PTPN2: variants seen among roughly 807,000 people sequenced by gnomAD.
The protein encoded by PTPN2 is protein tyrosine phosphatase non-receptor type 2.
PTPN2 carries 19 observed loss-of-function variants against 57.3 expected under a neutral mutation model. That is an observed-to-expected ratio of 0.33 (90% CI 0.23 to 0.49). PTPN2 has a LOEUF of 0.49. Among genes scored for constraint, PTPN2 ranks in the 20% least tolerant of loss-of-function variants. The probability of loss-of-function intolerance (pLI) is 0.99; values close to 1 mark genes in which losing one functional copy is unlikely to be tolerated. For missense variants in PTPN2, 358 were observed against 501.1 expected (o/e 0.71, Z 2.73); for synonymous variants, 153 against 164.9 (o/e 0.93, Z 0.55).
At chr18:12,870,438 T>C (rs1197801746) in intron 1 of PTPN2, among the ~76,000 whole-genome samples, 632 of 21,612 alleles carry the variant, frequency 0.029, 36 homozygotes, top group Middle Eastern at 0.062. Flanking sequence ...TATATATATA[T>C]GTGTATATAT....
rs773418540 is a variant in PTPN2, at chr18:12,859,150, C to A, written c.160+14G>T. The A allele has an allele frequency of 6.2e-7, 1 of 1,603,408 alleles. No homozygotes were observed. The highest frequency in any genetic ancestry group is 1.7e-5 in the Admixed American group (1 of 59,544). ...CCAAAAAATACACATGCACACAAAC[C>A]CACAAGTACTTACATGGGCTTACAT... On this transcript the variant is annotated intron_variant, in intron 2 of 8. Transcript: ENST00000309660.
At chr18:12,834,858 ATTC>A (rs1384320845) in intron 3 of PTPN2, among the ~76,000 whole-genome samples, 1 of 152,098 alleles carries the variant, frequency 6.6e-6, no homozygotes, top group African/African-American at 2.4e-5. Context: ...TAGGGTGGTA[ATTC>A]TTCTCTATTT....
intron 7 of PTPN2, among the ~76,000 whole-genome samples, chr18:12,810,698 A>G (rs1472313680): frequency 6.6e-6 from 1 of 152,212 alleles, no homozygotes; most frequent in African/African-American, 2.4e-5. Flanking sequence ...TTAGTAGTAC[A>G]GTTTGGTACA....
At chr18:12,837,517 T>C (rs2042908932) in intron 2 of PTPN2, among the ~76,000 whole-genome samples, 1 of 152,186 alleles carries the variant, frequency 6.6e-6, no homozygotes, top group African/African-American at 2.4e-5. Flanking sequence ...TCTCATAGAT[T>C]GAGAATTTAT....
At chr18:12,797,613 C>T (rs755333150) in intron 8 of PTPN2, among the ~76,000 whole-genome samples, 5 of 152,186 alleles carry the variant, frequency 3.3e-5, no homozygotes, top group Admixed American at 6.5e-5. Flanking sequence ...CAGAGAATGA[C>T]AAGACTACTC....
At chr18:12,807,799 G>T (rs1414807341) in intron 7 of PTPN2, among the ~76,000 whole-genome samples, 2 of 151,636 alleles carry the variant, frequency 1.3e-5, no homozygotes, top group Non-Finnish European at 2.9e-5. Flanking sequence ...GCAGAGTAGG[G>T]AAGAGGGGGC....
downstream of PTPN2, among the ~76,000 whole-genome samples, chr18:12,791,663 T>C (rs192491818): frequency 4.5e-3 from 691 of 152,312 alleles, 5 homozygotes; most frequent in African/African-American, 0.016. Flanking sequence ...CCACTGTCAA[T>C]GCCCTTCTCA....
At chr18:12,877,346 G>A (rs2044523352) in intron 1 of PTPN2, among the ~76,000 whole-genome samples, 1 of 152,170 alleles carries the variant, frequency 6.6e-6, no homozygotes, top group South Asian at 2.1e-4. Flanking sequence ...AGAGAAGGGG[G>A]AGCATTTAAC....
chr18:12,835,894 A>G (rs866614406), intron 3 of PTPN2, among the ~76,000 whole-genome samples: 1 of 151,992 alleles, frequency 6.6e-6, no homozygotes, highest in Non-Finnish European at 1.5e-5. Flanking sequence ...AGTTTTTTCC[A>G]TGGGCTGTTT....
intron 5 of PTPN2, among the ~76,000 whole-genome samples, chr18:12,820,734 G>A (rs554128136): frequency 6.6e-6 from 1 of 152,220 alleles, no homozygotes; most frequent in South Asian, 2.1e-4. Context: ...CACAATTATA[G>A]GCTGTCCCTG....
At position 12,884,189 on chromosome 18, in the gene PTPN2, G is replaced by A. The variant is rs2044783083; in HGVS notation, c.-48C>T. 1 of 1,493,866 alleles carries A rather than the reference G, an allele frequency of 6.7e-7. No homozygotes were observed. The highest frequency in any genetic ancestry group is 9.0e-7 in the Non-Finnish European group (1 of 1,105,126). The allele number at this position is 1,493,866 out of a possible 1,614,324, so 92.5% of individuals were successfully genotyped here. On this transcript the variant is annotated 5_prime_UTR_variant, in exon 1 of 9. Transcript: ENST00000309660. ...GAGCAGAGCCTGCGCCGGCGGAGAGGCTCAGGCCCCGCACGATCCGGGGAG... is the reference window on the plus strand; with the variant it reads ...GAGCAGAGCCTGCGCCGGCGGAGAGACTCAGGCCCCGCACGATCCGGGGAG...
chr18:12,867,456 G>A (rs76771080), intron 1 of PTPN2, among the ~76,000 whole-genome samples: 1 of 149,650 alleles, frequency 6.7e-6, no homozygotes, highest in Non-Finnish European at 1.5e-5. Flanking sequence ...TTTTTTTTTT[G>A]TCCTCAGATG....
chr18:12,860,160 G>C (rs1429873399), intron 1 of PTPN2, among the ~76,000 whole-genome samples: 2 of 152,060 alleles, frequency 1.3e-5, no homozygotes, highest in African/African-American at 4.8e-5. Flanking sequence ...GTGGTGATGG[G>C]TGCCTGTAAT....
intron 2 of PTPN2, among the ~76,000 whole-genome samples, chr18:12,854,379 A>G (rs2043510703): frequency 6.7e-6 from 1 of 149,956 alleles, no homozygotes; most frequent in Admixed American, 6.7e-5. Flanking sequence ...AAAAAAAGAA[A>G]AAAGAAAAAG....
At chr18:12,883,746 A>AC (rs1003556848) in intron 1 of PTPN2, 3 of 228,664 alleles carry the variant, frequency 1.3e-5, no homozygotes, top group Admixed American at 5.8e-5. Context: ...TTTCCCAAGG[A>AC]CCCCCAGACC....
intron 1 of PTPN2, among the ~76,000 whole-genome samples, chr18:12,868,356 T>A (rs1252497338): frequency 6.6e-6 from 1 of 151,962 alleles, no homozygotes; most frequent in East Asian, 1.9e-4. Context: ...CGGGTTCAAG[T>A]GAATTCTCCT....
At chr18:12,822,720 GC>G (rs1216363265) in intron 5 of PTPN2, among the ~76,000 whole-genome samples, 1 of 152,132 alleles carries the variant, frequency 6.6e-6, no homozygotes, top group African/African-American at 2.4e-5. Flanking sequence ...TTGGCTATCA[GC>G]CCCCTACTCC....
In PTPN2 at chr18:12,817,021, G is replaced by C. The variant is rs575089572; in HGVS notation, c.705+135C>G. 5 of 811,360 alleles carry C rather than the reference G, an allele frequency of 6.2e-6. No individual in the cohort carries two copies. In the African/African-American group the frequency reaches 6.9e-5, roughly 11 times the overall value. The allele number at this position is 811,360 out of a possible 1,614,324, so 50.3% of individuals were successfully genotyped here. A position where few individuals can be genotyped will look rare whatever the true frequency, so the allele number is the denominator to read the frequency against. On this transcript the variant is annotated intron_variant, in intron 6 of 8. Coordinates refer to ENST00000309660, the MANE Select transcript of PTPN2 (RefSeq NM_002828.4). ...GCAACGGTGGAAATGAGATTTTTAGGTTTTTCCAAAAGTAGAAGTTTAAGT... is the reference window on the plus strand; with the variant it reads ...GCAACGGTGGAAATGAGATTTTTAGCTTTTTCCAAAAGTAGAAGTTTAAGT...
intron 1 of PTPN2, among the ~76,000 whole-genome samples, chr18:12,873,813 G>T (rs1457049190): frequency 6.6e-6 from 1 of 152,044 alleles, no homozygotes; most frequent in Admixed American, 6.5e-5. Context: ...GAGCATCTCT[G>T]CCCGGCCGCC....
Sources: allele counts gnomAD v4.1 joint callset (sites outside exome capture counted in the v4.1 genomes callset), GRCh38; gene constraint gnomAD v4.1.1; transcripts MANE v1.5; gene names NCBI Gene and HGNC (gene_info 2026-07-23, HGNC 2026-07-21).